PIAS1: variants seen among roughly 807,000 people sequenced by gnomAD.
PIAS1 encodes E3 SUMO-protein ligase PIAS1.
Under a neutral mutation model 71.3 loss-of-function variants are expected in PIAS1, and 6 were observed. The ratio of observed to expected loss-of-function variants is 0.08; its 90% confidence interval spans 0.05 to 0.17. The LOEUF (loss-of-function observed/expected upper bound fraction) is 0.17. Ranked by LOEUF, PIAS1 falls within the 10% of genes least tolerant of loss-of-function variation. The pLI is 1.00. For missense variants in PIAS1, 555 were observed against 793.6 expected (o/e 0.70, Z 3.61); for synonymous variants, 303 against 292.9 (o/e 1.03, Z -0.35).
chr15:68,184,963 C>T (rs2093078482), intron 13 of PIAS1: 1 of 153,352 alleles, frequency 6.5e-6, no homozygotes, highest in African/African-American at 2.4e-5. Flanking sequence ...CCCAGCTTTT[C>T]TTCCAGGATG....
At chr15:68,179,883 T>C (rs2093043693) in intron 11 of PIAS1, among the ~76,000 whole-genome samples, 1 of 151,800 alleles carries the variant, frequency 6.6e-6, no homozygotes, top group South Asian at 2.1e-4. Flanking sequence ...CGGCCCTCTT[T>C]TGAAATATTC....
chr15:68,164,896 C>A, intron 8 of PIAS1, 92 bp downstream of exon 8: 2 of 695,056 alleles, frequency 2.9e-6, no homozygotes, highest in Admixed American at 2.6e-5. Context: ...ATTCTGTTTG[C>A]TTCTAAAATA....
chr15:68,122,401 T>A (rs751169520), intron 2 of PIAS1, among the ~76,000 whole-genome samples: 2 of 152,170 alleles, frequency 1.3e-5, no homozygotes, highest in African/African-American at 2.4e-5. Context: ...GAAGAATCAC[T>A]TGTGAGCCAG....
At position 68,191,130 on chromosome 15, in the gene PIAS1, CAGAA is replaced by C. The variant is rs903374978; in HGVS notation, c.*3299_*3302del. 1 of 152,488 alleles carries C rather than the reference CAGAA, an allele frequency of 6.6e-6. No individual in the cohort carries two copies. The highest frequency in any genetic ancestry group is 2.4e-5 in the African/African-American group (1 of 41,352). 9.4% of individuals were successfully genotyped at this position (152,488 alleles called of 1,614,324 possible). On this transcript the variant is annotated 3_prime_UTR_variant, in exon 14 of 14. Coordinates refer to ENST00000249636, the MANE Select transcript of PIAS1 (RefSeq NM_016166.3). The stretch of plus-strand genomic sequence containing the variant: ...TTAATTAAATACAAAGCTTAGATTT[CAGAA>C]AGAGAGGGAAAATAGCTGGTGGTCC...
At chr15:68,068,676 C>T (rs1350225381) in intron 1 of PIAS1, among the ~76,000 whole-genome samples, 1 of 152,010 alleles carries the variant, frequency 6.6e-6, no homozygotes, top group Non-Finnish European at 1.5e-5. Context: ...TGGTCTCGAA[C>T]TCATGACCTC....
At chr15:68,141,873 G>GTTT in intron 2 of PIAS1, 73 bp from the exon 3 acceptor site, 3 of 660,494 alleles carry the variant, frequency 4.5e-6, no homozygotes, top group South Asian at 2.0e-5. Context: ...AGACATGTGT[G>GTTT]TTTTTTTTTT....
rs1306269545 is a variant in PIAS1 at position 68,134,708 on chromosome 15, G to T, written c.470-7238G>T. 6.6e-3 allele frequency among the ~76,000 whole-genome samples: 234 copies of T among 35,406 alleles called. 2 individuals are homozygous for T. Among genetic ancestry groups the T allele is most frequent in the Middle Eastern group, 0.018 (1 of 56 alleles). 23.2% of individuals were successfully genotyped at this position (35,406 alleles called of 152,430 possible). A position where few individuals can be genotyped will look rare whatever the true frequency, so the allele number is the denominator to read the frequency against. On this transcript the variant is annotated intron_variant, in intron 2 of 13. Coordinates refer to ENST00000249636, the MANE Select transcript of PIAS1 (RefSeq NM_016166.3). The stretch of plus-strand genomic sequence containing the variant: ...TCCCTCCCGGAAGGGGTGGCTGGCC[G>T]GGCGGGGGCTGACCCCCCCACCTCC...
At chr15:68,181,052 T>C (rs1021926394) in intron 11 of PIAS1, among the ~76,000 whole-genome samples, 160 bp from the exon 12 acceptor site, 1 of 152,222 alleles carries the variant, frequency 6.6e-6, no homozygotes, top group Non-Finnish European at 1.5e-5. Context: ...AATTATTTTC[T>C]CATAATTGTG....
chr15:68,057,463 GC>G, intron 1 of PIAS1: 2 of 438,470 alleles, frequency 4.6e-6, no homozygotes, highest in South Asian at 3.3e-5. Flanking sequence ...AAGTTATAGT[GC>G]CATTTTAATT....
chr15:68,095,411 A>G (rs2092365724), intron 2 of PIAS1, among the ~76,000 whole-genome samples: 1 of 152,112 alleles, frequency 6.6e-6, no homozygotes, highest in South Asian at 2.1e-4. Flanking sequence ...TGGGGTAGAT[A>G]GGATAATGTA....
chr15:68,185,258 A>G lies in PIAS1; in HGVS notation c.1662+1591A>G, dbSNP rs2093080531. On this transcript the variant is annotated intron_variant, in intron 13 of 13. Coordinates refer to ENST00000249636, the MANE Select transcript of PIAS1 (RefSeq NM_016166.3). The surrounding 1 kb of genome is among the most constrained non-coding windows in gnomAD (Gnocchi z 4.4). ...AAAACACCGAGAGGACACTGATGCAATTCTGGAAGGTTTACAACAGCTATG... is the reference window on the plus strand; with the variant it reads ...AAAACACCGAGAGGACACTGATGCAGTTCTGGAAGGTTTACAACAGCTATG... 6.6e-6 allele frequency among the ~76,000 whole-genome samples: 1 copy of G among 152,088 alleles called. No homozygotes were observed. The highest frequency in any genetic ancestry group is 1.5e-5 in the Non-Finnish European group (1 of 67,998).
At chr15:68,146,024 A>G in intron 5 of PIAS1, 118 bp downstream of exon 5, 1 of 667,746 alleles carries the variant, frequency 1.5e-6, no homozygotes, top group Non-Finnish European at 2.7e-6. Flanking sequence ...TTGGATATAT[A>G]TTCATTGACT....
intron 2 of PIAS1, among the ~76,000 whole-genome samples, chr15:68,124,920 G>A (rs926721083): frequency 5.3e-5 from 8 of 152,060 alleles, no homozygotes; most frequent in African/African-American, 1.9e-4. Flanking sequence ...TGCATTTTCA[G>A]TTTTAGGCAT....
Position 68,191,936 on chromosome 15 carries a change from C to CCAA in PIAS1, c.*4103_*4105dup, listed in dbSNP as rs978027434. 4 of 152,186 alleles carry CCAA rather than the reference C, an allele frequency of 2.6e-5. No individual in the cohort carries two copies. Among genetic ancestry groups the CCAA allele is most frequent in the African/African-American group, 9.7e-5 (4 of 41,448 alleles). The allele number at this position is 152,186 out of a possible 1,614,324, so 9.4% of individuals were successfully genotyped here. A position where few individuals can be genotyped will look rare whatever the true frequency, so the allele number is the denominator to read the frequency against. Reference sequence around the variant, plus strand: ...CCCAGGTTCTAATGACCATTCCACACCAACTGTGTGTTTTTGGCAAGTTAT... The same window carrying CCAA: ...CCCAGGTTCTAATGACCATTCCACACCAACAACTGTGTGTTTTTGGCAAGTTAT... On this transcript the variant is annotated 3_prime_UTR_variant, in exon 14 of 14. Transcript: ENST00000249636.
At chr15:68,074,996 A>C (rs2092142765) in intron 1 of PIAS1, among the ~76,000 whole-genome samples, 1 of 151,270 alleles carries the variant, frequency 6.6e-6, no homozygotes, top group African/African-American at 2.4e-5. Context: ...ATATGTTTTC[A>C]TGAGCCTCAC....
At chr15:68,097,349 A>G (rs571739552) in intron 2 of PIAS1, among the ~76,000 whole-genome samples, 92 of 152,134 alleles carry the variant, frequency 6.0e-4, no homozygotes, top group Non-Finnish European at 1.1e-3. Flanking sequence ...ACCATTAAGT[A>G]TAATGTTAGC....
chr15:68,146,601 A>G lies in PIAS1; in HGVS notation c.729A>G (p.Pro243=). ...CACCTACAAAAAATGGCGTGGAACC[A>G]AAGCGACCCAGCCGACCAATTAATA... ...YLPPTKNGVE[P]KRPSRPINIT... Residue 243 remains proline (P), a synonymous_variant, in exon 6 of 14, where the codon CCA becomes CCG. Coordinates refer to ENST00000249636, the MANE Select transcript of PIAS1 (RefSeq NM_016166.3). The G allele has an allele frequency of 2.5e-6, 4 of 1,613,278 alleles. No homozygotes were observed. Among genetic ancestry groups the G allele is most frequent in the Non-Finnish European group, 3.4e-6 (4 of 1,179,356 alleles).
intron 2 of PIAS1, among the ~76,000 whole-genome samples, chr15:68,131,313 C>G (rs1433522345): frequency 6.6e-6 from 1 of 152,020 alleles, no homozygotes; most frequent in Non-Finnish European, 1.5e-5. Flanking sequence ...TTACGATCTT[C>G]GACTACCATG....
chr15:68,069,189 C>T (rs1166513142), intron 1 of PIAS1, among the ~76,000 whole-genome samples: 3 of 152,192 alleles, frequency 2.0e-5, no homozygotes, highest in Non-Finnish European at 2.9e-5. Flanking sequence ...CCACCGCACC[C>T]GGCCTTGTCC....
Sources: gnomAD v4.1 joint callset for allele counts (sites outside exome capture counted in the v4.1 genomes callset) on GRCh38, gnomAD v4.1.1 for gene constraint, Gnocchi (gnomAD v3.1) non-coding constraint, MANE v1.5 for transcripts, NCBI Gene and HGNC (gene_info 2026-07-23, HGNC 2026-07-21) for gene names.